Variants in ESCO1 observed in about 807,000 individuals in gnomAD.
ESCO1 encodes establishment of sister chromatid cohesion N-acetyltransferase 1.
Under a neutral mutation model 83.5 loss-of-function variants are expected in ESCO1, and 33 were observed. That is an observed-to-expected ratio of 0.40 (90% CI 0.30 to 0.53). The LOEUF is 0.53. ESCO1 is among the 20% of genes least tolerant of loss of function. The probability of loss-of-function intolerance (pLI) is 0.63; values close to 1 mark genes in which losing one functional copy is unlikely to be tolerated. For synonymous variants in ESCO1, 332 were observed against 324.3 expected, an observed-to-expected ratio of 1.02 and a Z score of -0.25; for missense variants, 855 against 968.0, an observed-to-expected ratio of 0.88 and a Z score of 1.55.
At chr18:21,550,811 T>C (rs2038035488) in intron 8 of ESCO1, among the ~76,000 whole-genome samples, 1 of 152,072 alleles carries the variant, frequency 6.6e-6, no homozygotes, top group Non-Finnish European at 1.5e-5. Flanking sequence ...AAACACCCAA[T>C]AAATGAAAAA....
intron 1 of ESCO1, among the ~76,000 whole-genome samples, chr18:21,585,833 T>C (rs2038568137): frequency 6.6e-6 from 1 of 152,122 alleles, no homozygotes; most frequent in South Asian, 2.1e-4. Context: ...GCTCAAGCCA[T>C]TCTCCCACCT....
chr18:21,573,976 T>C lies in ESCO1; in HGVS notation c.868A>G (p.Asn290Asp), dbSNP rs1440742729. The change falls in exon 4 of 12, where the codon AAT (asparagine) becomes GAT (aspartate). Residue 290 changes from asparagine (N) to aspartate (D), a missense_variant. Asn to Asp is a conservative substitution (Grantham distance 23). Coordinates refer to ENST00000269214, the MANE Select transcript of ESCO1 (RefSeq NM_052911.3). ...CTCTTTCCTGCTTGCTCCAGCTCATTATCACTTTGTTCAGGCACTGATGGC... is the reference window on the plus strand; with the variant it reads ...CTCTTTCCTGCTTGCTCCAGCTCATCATCACTTTGTTCAGGCACTGATGGC... ...PQPSVPEQSD[N>D]ELEQAGKSKR... The C allele has an allele frequency of 1.2e-6, 2 of 1,613,772 alleles. No individual in the cohort carries two copies. The highest frequency in any genetic ancestry group is 2.7e-5 in the African/African-American group (2 of 74,920).
At chr18:21,585,821 G>A (rs2038568005) in intron 1 of ESCO1, among the ~76,000 whole-genome samples, 1 of 151,898 alleles carries the variant, frequency 6.6e-6, no homozygotes, top group Admixed American at 6.6e-5. Flanking sequence ...TCAAACCCCC[G>A]GGCTCAAGCC....
At chr18:21,577,934 G>A (rs1420640204) in intron 2 of ESCO1, among the ~76,000 whole-genome samples, 5 of 152,188 alleles carry the variant, frequency 3.3e-5, no homozygotes, top group Non-Finnish European at 2.9e-5. Context: ...TTCTACTAAG[G>A]AAGTGGAAAG....
chr18:21,598,487 G>A (rs1320160583), intron 1 of ESCO1, among the ~76,000 whole-genome samples: 1 of 151,182 alleles, frequency 6.6e-6, no homozygotes, highest in Non-Finnish European at 1.5e-5. Context: ...ATCACCTGAG[G>A]TCAGGAGTTC....
In ESCO1 at chr18:21,584,451, A is replaced by AG. The variant is rs1369571372; in HGVS notation, c.-824-12_-824-11insC. 6.6e-6 allele frequency: 1 copy of AG among 151,924 alleles called. No individual in the cohort carries two copies. Among genetic ancestry groups the AG allele is most frequent in the Non-Finnish European group, 1.5e-5 (1 of 67,950 alleles). 9.4% of individuals were successfully genotyped at this position (151,924 alleles called of 1,614,324 possible). On this transcript the variant is annotated splice_polypyrimidine_tract_variant and intron_variant, in intron 1 of 11. Coordinates refer to ENST00000269214, the MANE Select transcript of ESCO1 (RefSeq NM_052911.3). ...ATAGCCAAAGACAATCTATTGAAAAAAAAAAATACAAAAATATCACTATTA... is the reference window on the plus strand; with the variant it reads ...ATAGCCAAAGACAATCTATTGAAAAAGAAAAAATACAAAAATATCACTATTA...
chr18:21,595,982 T>A (rs996428018), intron 1 of ESCO1, among the ~76,000 whole-genome samples: 3 of 151,034 alleles, frequency 2.0e-5, no homozygotes, highest in Non-Finnish European at 4.4e-5. Context: ...AATAAATAAA[T>A]AAATAAAATA....
chr18:21,530,805 G>A (rs1412089733), intron 11 of ESCO1, among the ~76,000 whole-genome samples: 1 of 152,152 alleles, frequency 6.6e-6, no homozygotes, highest in Non-Finnish European at 1.5e-5. Context: ...AGTTAATGGT[G>A]AATGACTGAA....
intron 8 of ESCO1, among the ~76,000 whole-genome samples, chr18:21,546,274 G>A (rs554238116): frequency 1.3e-5 from 2 of 152,178 alleles, no homozygotes; most frequent in Admixed American, 6.5e-5. Flanking sequence ...AACAGGCCTG[G>A]TGCAGTGGCT....
intron 7 of ESCO1, among the ~76,000 whole-genome samples, chr18:21,561,805 C>A (rs979886746): frequency 6.6e-6 from 1 of 151,808 alleles, no homozygotes; most frequent in African/African-American, 2.4e-5. Context: ...TGAGCTCAAG[C>A]GATCCTCCTG....
At chr18:21,593,827 A>T (rs1598482290) in intron 1 of ESCO1, among the ~76,000 whole-genome samples, 1 of 134,610 alleles carries the variant, frequency 7.4e-6, no homozygotes, top group Non-Finnish European at 1.6e-5. Flanking sequence ...AAAAAAAAAA[A>T]CCTTAGACAA....
chr18:21,529,902 G>A lies in ESCO1; in HGVS notation c.*441C>T, dbSNP rs923655141. On this transcript the variant is annotated 3_prime_UTR_variant, in exon 12 of 12. Transcript: ENST00000269214. Reference sequence around the variant, plus strand: ...TCCTTGAACAATAACTAAAAAAATTGGTTTCCACTCTGTGAAAATACAATC... The same window carrying A: ...TCCTTGAACAATAACTAAAAAAATTAGTTTCCACTCTGTGAAAATACAATC... 5 of 152,934 alleles carry A rather than the reference G, an allele frequency of 3.3e-5. No individual in the cohort carries two copies. The highest frequency in any genetic ancestry group is 1.2e-4 in the African/African-American group (5 of 41,426). 9.5% of individuals were successfully genotyped at this position (152,934 alleles called of 1,614,324 possible). A position where few individuals can be genotyped will look rare whatever the true frequency, so the allele number is the denominator to read the frequency against.
chr18:21,559,317 A>G (rs1048216300), intron 8 of ESCO1, among the ~76,000 whole-genome samples: 1 of 152,186 alleles, frequency 6.6e-6, no homozygotes, highest in African/African-American at 2.4e-5. Flanking sequence ...GGGGCAGGAA[A>G]TAATCTTCCC....
At chr18:21,589,292 A>G (rs532631285) in intron 1 of ESCO1, among the ~76,000 whole-genome samples, 49 of 152,094 alleles carry the variant, frequency 3.2e-4, no homozygotes, top group Admixed American at 1.6e-3. Flanking sequence ...CAATTACCCT[A>G]TTACTTCAAT....
At chr18:21,590,783 T>C (rs1485069301) in intron 1 of ESCO1, among the ~76,000 whole-genome samples, 1 of 151,526 alleles carries the variant, frequency 6.6e-6, no homozygotes, top group Admixed American at 6.6e-5. Flanking sequence ...CCATCTCTAC[T>C]AAAAATACAA....
chr18:21,591,197 G>C (rs929904574), intron 1 of ESCO1, among the ~76,000 whole-genome samples: 1 of 152,166 alleles, frequency 6.6e-6, no homozygotes, highest in African/African-American at 2.4e-5. Flanking sequence ...CCTTGTAAGA[G>C]AGTGGCACAG....
chr18:21,558,847 T>C (rs1179964528), intron 8 of ESCO1, among the ~76,000 whole-genome samples: 1 of 152,084 alleles, frequency 6.6e-6, no homozygotes, highest in Non-Finnish European at 1.5e-5. Context: ...CCATTTAACA[T>C]GAATTAACAC....
rs1226263334 is a variant in ESCO1 at position 21,568,013 on chromosome 18, C to A, written c.1612G>T (p.Ala538Ser). The change falls in exon 5 of 12, where the codon GCA becomes TCA. Residue 538 changes from alanine (A) to serine (S), a missense_variant. Physicochemically the swap from Ala to Ser is moderately conservative, Grantham distance 99 (BLOSUM62 1). Coordinates refer to ENST00000269214, the MANE Select transcript of ESCO1 (RefSeq NM_052911.3). ...VTAASTLLSQ[A>S]KIDTGENKFP... is the part of the protein sequence containing the mutation. ...TTATTCTCTCCTGTATCAATTTTTG[C>A]TTGACTGAGCAGAGTCGAAGCAGCA... The A allele has an allele frequency of 5.0e-6, 8 of 1,613,232 alleles. No individual in the cohort carries two copies. In the African/African-American group the frequency reaches 5.3e-5, roughly 11 times the overall value.
intron 10 of ESCO1, among the ~76,000 whole-genome samples, chr18:21,534,530 T>A (rs1374883254): frequency 6.6e-6 from 1 of 152,216 alleles, no homozygotes; most frequent in African/African-American, 2.4e-5. Context: ...TAAACATACA[T>A]GATTCCATTG....
Sources: allele counts gnomAD v4.1 joint callset (sites outside exome capture counted in the v4.1 genomes callset), GRCh38; gene constraint gnomAD v4.1.1; transcripts MANE v1.5; gene names NCBI Gene and HGNC (gene_info 2026-07-23, HGNC 2026-07-21).